GLT1D1: variants seen among roughly 807,000 people sequenced by gnomAD.
The protein encoded by GLT1D1 is glycosyltransferase 1 domain containing 1.
A neutral mutation model predicts 28.7 loss-of-function variants in GLT1D1; 21 were observed. The ratio of observed to expected loss-of-function variants is 0.73; its 90% CI spans 0.52 to 1.05. The LOEUF is 1.05. GLT1D1 is among the 50% of genes least tolerant of loss of function. The pLI is 0.00. For missense variants in GLT1D1, 343 were observed against 330.6 expected, an observed-to-expected ratio of 1.04 and a Z score of -0.29; for synonymous variants, 147 against 124.8, an observed-to-expected ratio of 1.18 and a Z score of -1.19.
At chr12:128,860,917 A>G (rs1956348342) in intron 1 of GLT1D1, among the ~76,000 whole-genome samples, 3 of 152,192 alleles carry the variant, frequency 2.0e-5, no homozygotes, top group Non-Finnish European at 4.4e-5. Flanking sequence ...TCAGTTTCTA[A>G]CGGTGAAGTT....
intron 7 of GLT1D1, among the ~76,000 whole-genome samples, chr12:128,977,173 C>T (rs1879848180): frequency 6.6e-6 from 1 of 151,964 alleles, no homozygotes; most frequent in Non-Finnish European, 1.5e-5. Flanking sequence ...ACAAAATGGC[C>T]ACCACTTCTT....
chr12:128,883,313 C>A (rs866511505), intron 2 of GLT1D1, among the ~76,000 whole-genome samples: 1 of 150,672 alleles, frequency 6.6e-6, no homozygotes, highest in Non-Finnish European at 1.5e-5. Flanking sequence ...AGTTTAGGGC[C>A]GGGCGTAGTG....
intron 4 of GLT1D1, 79 bp downstream of exon 6, chr12:128,915,068 CG>C (rs1328823866): frequency 1.7e-6 from 2 of 1,182,878 alleles, no homozygotes; most frequent in African/African-American, 3.1e-5. Context: ...GACGTTCATG[CG>C]GTTTTGAAAA....
intron 4 of GLT1D1, among the ~76,000 whole-genome samples, chr12:128,920,356 C>T (rs1872553223): frequency 6.6e-6 from 1 of 152,106 alleles, no homozygotes; most frequent in Admixed American, 6.5e-5. Context: ...GAGTTCAAGA[C>T]CAGCTTGACC....
At chr12:128,874,245 G>T (rs989927327) in intron 1 of GLT1D1, among the ~76,000 whole-genome samples, 2 of 145,454 alleles carry the variant, frequency 1.4e-5, no homozygotes, top group Non-Finnish European at 3.0e-5. Context: ...GCAGTGGCAC[G>T]ATCTTGGCTC....
chr12:128,868,721 G>A (rs1026163111), intron 1 of GLT1D1, among the ~76,000 whole-genome samples: 5 of 152,112 alleles, frequency 3.3e-5, no homozygotes, highest in Admixed American at 6.6e-5. Context: ...TTGCACTCTC[G>A]CCTAGAAGCA....
intron 6 of GLT1D1, among the ~76,000 whole-genome samples, chr12:128,954,027 T>A (rs1300412460): frequency 1.3e-5 from 2 of 152,172 alleles, no homozygotes; most frequent in African/African-American, 2.4e-5. Flanking sequence ...ATTACAGGTG[T>A]GAGCCACTGC....
intron 2 of GLT1D1, among the ~76,000 whole-genome samples, chr12:128,884,077 GGAAAT>G (rs1317450427): frequency 1.3e-5 from 2 of 152,150 alleles, no homozygotes; most frequent in Non-Finnish European, 2.9e-5. Context: ...TATGTGCAAA[GGAAAT>G]GAAATCAGTG....
At chr12:128,854,394 C>T (rs1433813690) in intron 1 of GLT1D1, among the ~76,000 whole-genome samples, 1 of 143,872 alleles carries the variant, frequency 7.0e-6, no homozygotes, top group Non-Finnish European at 1.5e-5. Context: ...TAACAGAAGC[C>T]GTGTGTGTGT....
intron 7 of GLT1D1, among the ~76,000 whole-genome samples, chr12:128,959,424 G>GGGT (rs1877685075): frequency 1.9e-5 from 2 of 102,630 alleles, no homozygotes; most frequent in Non-Finnish European, 4.2e-5. Flanking sequence ...GGGGGGACGG[G>GGGT]TGGGGAGGTG....
chr12:128,946,398 G>A (rs1243128746), intron 5 of GLT1D1, among the ~76,000 whole-genome samples: 4 of 152,114 alleles, frequency 2.6e-5, no homozygotes, highest in African/African-American at 7.2e-5. Context: ...TCAGGCTGGA[G>A]TGCAGTGGCG....
intron 4 of GLT1D1, among the ~76,000 whole-genome samples, chr12:128,899,546 GT>G (rs34973787): frequency 0.85 from 105,310 of 124,448 alleles, 44,183 homozygotes; most frequent in South Asian, 0.94. Context: ...TTTTGTTGCT[GT>G]TTTTTTTTTT....
chr12:128,929,320 T>C (rs1318589862), intron 4 of GLT1D1, among the ~76,000 whole-genome samples: 1 of 152,240 alleles, frequency 6.6e-6, no homozygotes, highest in Non-Finnish European at 1.5e-5. Flanking sequence ...GTGGCTGCAC[T>C]GGTCATCTCA....
intron 3 of GLT1D1, among the ~76,000 whole-genome samples, chr12:128,898,229 G>C (rs1167150113): frequency 6.6e-6 from 1 of 151,426 alleles, no homozygotes; most frequent in Non-Finnish European, 1.5e-5. Flanking sequence ...CTGGAGTGCA[G>C]TGGCACAATC....
intron 2 of GLT1D1, among the ~76,000 whole-genome samples, chr12:128,879,186 G>C (rs1364008002): frequency 6.6e-6 from 1 of 152,028 alleles, no homozygotes; most frequent in Non-Finnish European, 1.5e-5. Context: ...TACATGTGCA[G>C]GATGTGCAGA....
At chr12:128,913,242 T>A (rs1017000584) in intron 4 of GLT1D1, among the ~76,000 whole-genome samples, 3 of 151,504 alleles carry the variant, frequency 2.0e-5, no homozygotes, top group Admixed American at 2.0e-4. Flanking sequence ...TGTTTTGAGA[T>A]GAAGTCTTGC....
chr12:128,977,165 A>G (rs914623405), intron 7 of GLT1D1, among the ~76,000 whole-genome samples: 1 of 152,206 alleles, frequency 6.6e-6, no homozygotes, highest in African/African-American at 2.4e-5. Flanking sequence ...ACAAGAAAAC[A>G]AAATGGCCAC....
At chr12:128,877,308 A>T (rs1210580164) in intron 2 of GLT1D1, among the ~76,000 whole-genome samples, 1 of 152,234 alleles carries the variant, frequency 6.6e-6, no homozygotes, top group Non-Finnish European at 1.5e-5. Flanking sequence ...TCATTGGAGG[A>T]TCAAAATTTG....
chr12:128,864,085 A>G, intron 1 of GLT1D1: 1 of 631,900 alleles, frequency 1.6e-6, no homozygotes, highest in Admixed American at 2.4e-5. Context: ...CACTGTGGGC[A>G]GGTCCCTGCA....
Sources: gnomAD v4.1 joint callset for allele counts (sites outside exome capture counted in the v4.1 genomes callset) on GRCh38, gnomAD v4.1.1 for gene constraint, MANE v1.5 for transcripts, NCBI Gene and HGNC (gene_info 2026-07-23, HGNC 2026-07-21) for gene names.